FAM234A: variants seen among roughly 807,000 people sequenced by gnomAD.
The protein encoded by FAM234A is family with sequence similarity 234 member A.
In FAM234A, 42 loss-of-function variants were observed where a neutral mutation model predicts 49.1. That is an observed-to-expected ratio of 0.86 (90% CI 0.67 to 1.11). The LOEUF (loss-of-function observed/expected upper bound fraction) is 1.11. Ranked by LOEUF, FAM234A falls within the 50% of genes least tolerant of loss-of-function variation. FAM234A has a pLI of 0.00. For missense variants in FAM234A, 815 were observed against 745.2 expected (o/e 1.09, Z -1.09); for synonymous variants, 369 against 316.2 (o/e 1.17, Z -1.77).
At chr16:248,796 T>C (rs1337105987) in intron 1 of FAM234A, among the ~76,000 whole-genome samples, 2 of 151,770 alleles carry the variant, frequency 1.3e-5, no homozygotes, top group Non-Finnish European at 2.9e-5. Context: ...GATTTTTGTA[T>C]TTTTGGGTAG....
In FAM234A at chr16:263,289, TGTCCCAGG is replaced by T. The variant is rs774959580; in HGVS notation, c.1001_1008del (p.Val334GlufsTer52). On this transcript the variant is annotated frameshift_variant, in exon 9 of 13. Coordinates refer to ENST00000399932, the MANE Select transcript of FAM234A (RefSeq NM_032039.4). LOFTEE classifies it high-confidence loss of function. ...CTGGAGCAGTGCGCTACCTGATGCA[TGTCCCAGG>T]GAACGCCGGTGCAGATGTGCTTCTT... The T allele has an allele frequency of 1.2e-6, 2 of 1,613,116 alleles. No homozygotes were observed. Among genetic ancestry groups the T allele is most frequent in the South Asian group, 2.2e-5 (2 of 91,092 alleles).
At chr16:239,507 C>G (rs868218904) in intron 1 of FAM234A, among the ~76,000 whole-genome samples, 3 of 148,430 alleles carry the variant, frequency 2.0e-5, no homozygotes, top group Non-Finnish European at 3.0e-5. Context: ...CCCAGCTACT[C>G]GGGAGGCTGA....
At position 248,691 on chromosome 16, in the gene FAM234A, G is replaced by A. The variant is rs151116304; in HGVS notation, c.-139-858G>A. 1.2e-3 allele frequency among the ~76,000 whole-genome samples: 177 copies of A among 151,896 alleles called. 2 individuals carry two copies. The highest frequency in any genetic ancestry group is 3.7e-3 in the African/African-American group (152 of 41,290). ...GATGGAGTGCAGTGTCCTGGCCATCGCTCACTGCAGCCTTGACCTCCCGGG... is the reference window on the plus strand; with the variant it reads ...GATGGAGTGCAGTGTCCTGGCCATCACTCACTGCAGCCTTGACCTCCCGGG... On this transcript the variant is annotated intron_variant, in intron 1 of 12. Transcript: ENST00000399932.
chr16:248,147 A>C (rs1297940208), intron 1 of FAM234A: 1 of 152,102 alleles, frequency 6.6e-6, no homozygotes, highest in Non-Finnish European at 1.5e-5. Flanking sequence ...GACCAATTGT[A>C]GATGCTCACA....
chr16:267,155 T>C (rs2051714706), downstream of FAM234A, among the ~76,000 whole-genome samples: 1 of 152,112 alleles, frequency 6.6e-6, no homozygotes, highest in South Asian at 2.1e-4. Context: ...TGCCATGCCA[T>C]GCCCTCTGCA....
chr16:263,454 C>T, intron 9 of FAM234A, 52 bp downstream of exon 9: 5 of 1,592,620 alleles, frequency 3.1e-6, no homozygotes, highest in Non-Finnish European at 4.3e-6. Context: ...TCCCGGCATC[C>T]CGGGCACATC....
rs770985694 is a variant in FAM234A, at chr16:264,146, A to G, written c.1319A>G (p.His440Arg). The G allele has an allele frequency of 5.0e-6, 8 of 1,606,180 alleles. No individual in the cohort carries two copies. Among genetic ancestry groups the G allele is most frequent in the Non-Finnish European group, 6.8e-6 (8 of 1,179,084 alleles). Residue 440 changes from histidine (H) to arginine (R), a missense_variant, in exon 11 of 13, where the codon CAC becomes CGC. Transcript: ENST00000399932. ...TCAGCCTTCTTCTTCTGGGGCCTCC[A>G]CGAGCTGGGGAGCACCAGCGAGACG... is the stretch of plus-strand genomic sequence containing the variant. ...HRSAFFFWGLHELGSTSETET... is the reference protein window; with the variant it reads ...HRSAFFFWGLRELGSTSETET...
At chr16:268,626 G>A (rs2051778440), downstream of FAM234A, 2 of 708,700 alleles carry the variant, frequency 2.8e-6, no homozygotes, top group Admixed American at 2.4e-5. Context: ...AATCGGGGGG[G>A]AGGCCGCGGC....
chr16:259,812 C>T (rs2051384701), intron 4 of FAM234A, among the ~76,000 whole-genome samples, 157 bp from the exon 5 acceptor site: 1 of 152,188 alleles, frequency 6.6e-6, no homozygotes. Flanking sequence ...GCATTAGAGC[C>T]CCGGGAGCCT....
rs780624700 is a variant in FAM234A at position 254,606 on chromosome 16, G to A, written c.193G>A (p.Val65Ile). 2 of 1,614,046 alleles carry A rather than the reference G, an allele frequency of 1.2e-6. No homozygotes were observed. Among genetic ancestry groups the A allele is most frequent in the Non-Finnish European group, 1.7e-6 (2 of 1,179,970 alleles). The change falls in exon 3 of 13, where the codon GTC becomes ATC. Residue 65 changes from valine (V) to isoleucine (I), a missense_variant. By Grantham distance (29) the Val-to-Ile change is conservative. Transcript: ENST00000399932. ...SLFLCLFVVF[V>I]VSFVIPCPDR... Reference sequence around the variant, plus strand: ...GTTTCTCTGCCTTTTTGTGGTGTTCGTCGTCTCATTCGTCATCCCGTGTCC... The same window carrying A: ...GTTTCTCTGCCTTTTTGTGGTGTTCATCGTCTCATTCGTCATCCCGTGTCC...
At position 265,936 on chromosome 16, in the gene FAM234A, A is replaced by G. The variant is rs545941069; in HGVS notation, c.*914A>G. On this transcript the variant is annotated 3_prime_UTR_variant, in exon 13 of 13. Transcript: ENST00000399932. The stretch of plus-strand genomic sequence containing the variant: ...CGCCGTGCCACCCGATGCAGGACTC[A>G]CCTCTGTGCCTTGCTGCTCCTGAGG... The G allele has an allele frequency of 6.1e-6, 6 of 985,770 alleles. No individual in the cohort carries two copies. Among genetic ancestry groups the G allele is most frequent in the Non-Finnish European group, 7.2e-6 (6 of 830,050 alleles). The allele number at this position is 985,770 out of a possible 1,614,324, so 61.1% of individuals were successfully genotyped here. A position where few individuals can be genotyped will look rare whatever the true frequency, so the allele number is the denominator to read the frequency against.
chr16:241,267 AAAAG>A (rs2050602449), intron 1 of FAM234A, among the ~76,000 whole-genome samples: 1 of 109,684 alleles, frequency 9.1e-6, no homozygotes, highest in African/African-American at 5.9e-5. Flanking sequence ...GGTCTACACA[AAAAG>A]AAAGAAAAAA....
At chr16:254,218 A>G in intron 2 of FAM234A, 163 bp from the exon 3 acceptor site, 1 of 664,964 alleles carries the variant, frequency 1.5e-6, no homozygotes, top group Non-Finnish European at 2.6e-6. Context: ...ATCTGTTAAG[A>G]CTGACACCCT....
At chr16:254,970 C>G (rs1567218649) in intron 3 of FAM234A, among the ~76,000 whole-genome samples, 2 of 152,234 alleles carry the variant, frequency 1.3e-5, no homozygotes, top group Admixed American at 6.5e-5. Context: ...ATTCTCCCGC[C>G]TCAGCCTCCC....
At chr16:238,582 C>A (rs937884293) in intron 1 of FAM234A, among the ~76,000 whole-genome samples, 3 of 149,034 alleles carry the variant, frequency 2.0e-5, no homozygotes, top group Admixed American at 6.7e-5. Flanking sequence ...CTGGCTAACA[C>A]AGTGAAATCC....
intron 3 of FAM234A, among the ~76,000 whole-genome samples, chr16:259,065 G>A (rs1214884235): frequency 6.6e-6 from 1 of 152,178 alleles, no homozygotes; most frequent in African/African-American, 2.4e-5. Flanking sequence ...ACAGGCGTGA[G>A]GCACCTTGCC....
Position 264,667 on chromosome 16 carries a change from C to A in FAM234A, c.1398C>A (p.Arg466=). ...SLYMFHPTLP[R]VLLELANVST... is the part of the protein sequence containing the mutation. ...ACATGTTCCACCCCACCCTGCCGCGCGTGCTGCTGGAGCTGGCCAATGTCT... is the reference window on the plus strand; with the variant it reads ...ACATGTTCCACCCCACCCTGCCGCGAGTGCTGCTGGAGCTGGCCAATGTCT... Residue 466 remains arginine, a synonymous_variant, in exon 12 of 13, where the codon CGC becomes CGA. Transcript: ENST00000399932. The A allele has an allele frequency of 6.2e-7, 1 of 1,612,134 alleles. No homozygotes were observed.
chr16:239,440 C>T (rs1006329923), intron 1 of FAM234A, among the ~76,000 whole-genome samples: 2 of 149,714 alleles, frequency 1.3e-5, no homozygotes, highest in Non-Finnish European at 3.0e-5. Context: ...GGTGAAACTC[C>T]GTCTCTACTA....
At chr16:267,042 G>T (rs1596871648), downstream of FAM234A, among the ~76,000 whole-genome samples, 2 of 152,236 alleles carry the variant, frequency 1.3e-5, no homozygotes, top group Non-Finnish European at 2.9e-5. Flanking sequence ...GCCATTGCTG[G>T]TGGGCAGAAG....
Sources: gnomAD v4.1 joint callset for allele counts (sites outside exome capture counted in the v4.1 genomes callset) on GRCh38, gnomAD v4.1.1 for gene constraint, MANE v1.5 for transcripts, NCBI Gene and HGNC (gene_info 2026-07-23, HGNC 2026-07-21) for gene names.